Variants in CNTN4 observed in about 807,000 individuals in gnomAD.
CNTN4 encodes contactin 4.
Under a neutral mutation model 122.5 loss-of-function variants are expected in CNTN4, and 77 were observed. The observed-to-expected ratio is 0.63, with a 90% CI of 0.52 to 0.76. CNTN4 has a LOEUF of 0.76. Ranked by LOEUF, CNTN4 falls within the 30% of genes least tolerant of loss-of-function variation. The pLI is 0.00. For missense variants in CNTN4, 1,256 were observed against 1,259.1 expected (o/e 1.00, Z 0.04); for synonymous variants, 512 against 447.0 (o/e 1.15, Z -1.83).
intron 2 of CNTN4, among the ~76,000 whole-genome samples, chr3:2,198,324 T>C (rs562407812): frequency 5.3e-5 from 8 of 152,350 alleles, no homozygotes; most frequent in African/African-American, 1.9e-4. Context: ...TGAGTCGTTT[T>C]AATGTTTGAA....
At chr3:2,313,654 A>C (rs2042992554) in intron 2 of CNTN4, among the ~76,000 whole-genome samples, 1 of 151,958 alleles carries the variant, frequency 6.6e-6, no homozygotes, top group Non-Finnish European at 1.5e-5. Flanking sequence ...TCATACAGTC[A>C]CTCCCAACTA....
At chr3:2,234,091 T>C (rs2039588875) in intron 2 of CNTN4, among the ~76,000 whole-genome samples, 1 of 152,074 alleles carries the variant, frequency 6.6e-6, no homozygotes, top group Non-Finnish European at 1.5e-5. Flanking sequence ...CAACCTGCCA[T>C]TTGACAAGAA....
At chr3:2,570,151 C>G (rs1043322825) in intron 3 of CNTN4, among the ~76,000 whole-genome samples, 5 of 151,954 alleles carry the variant, frequency 3.3e-5, no homozygotes, top group African/African-American at 1.2e-4. Context: ...GGAAATTTGG[C>G]TTTACTTGAG....
intron 14 of CNTN4, among the ~76,000 whole-genome samples, chr3:3,018,733 C>T (rs1698001973): frequency 6.6e-6 from 1 of 152,114 alleles, no homozygotes; most frequent in Non-Finnish European, 1.5e-5. Context: ...CTGAGAAGGC[C>T]TAGGATCAAT....
At chr3:2,143,723 G>C (rs2035115872) in intron 2 of CNTN4, among the ~76,000 whole-genome samples, 1 of 152,188 alleles carries the variant, frequency 6.6e-6, no homozygotes, top group Non-Finnish European at 1.5e-5. Flanking sequence ...TGAAGAAATT[G>C]AGTTTAGAGT....
chr3:2,611,266 A>C (rs374185055), intron 4 of CNTN4, among the ~76,000 whole-genome samples: 15 of 148,364 alleles, frequency 1.0e-4, no homozygotes, highest in African/African-American at 3.8e-4. Context: ...CAGAACATTT[A>C]GGGGACAAAA....
At chr3:2,436,363 GC>G (rs1415469763) in intron 3 of CNTN4, among the ~76,000 whole-genome samples, 3 of 152,060 alleles carry the variant, frequency 2.0e-5, no homozygotes, top group Admixed American at 2.0e-4. Flanking sequence ...GACAGGAAAG[GC>G]AGTGAGTGCT....
chr3:2,257,755 T>G (rs2040658773), intron 2 of CNTN4, among the ~76,000 whole-genome samples: 1 of 152,096 alleles, frequency 6.6e-6, no homozygotes, highest in African/African-American at 2.4e-5. Context: ...TCAGTTAGAA[T>G]GGTGATCATT....
At chr3:2,154,038 T>C (rs1398857680) in intron 2 of CNTN4, among the ~76,000 whole-genome samples, 1 of 152,204 alleles carries the variant, frequency 6.6e-6, no homozygotes, top group Admixed American at 6.5e-5. Flanking sequence ...GGTTACTTTA[T>C]TAAAATTTAC....
chr3:2,417,259 A>G (rs1378223808), intron 3 of CNTN4, among the ~76,000 whole-genome samples: 1 of 152,236 alleles, frequency 6.6e-6, no homozygotes, highest in Non-Finnish European at 1.5e-5. Flanking sequence ...GCTGGACTGT[A>G]TCATCGTAGA....
intron 2 of CNTN4, among the ~76,000 whole-genome samples, chr3:2,263,913 A>G (rs1157671146): frequency 7.2e-6 from 1 of 138,626 alleles, no homozygotes; most frequent in Non-Finnish European, 1.7e-5. Flanking sequence ...ACTTAACATA[A>G]TGACCTCCAG....
intron 7 of CNTN4, among the ~76,000 whole-genome samples, chr3:2,847,810 C>T (rs2093480001): frequency 6.6e-6 from 1 of 152,194 alleles, no homozygotes; most frequent in Non-Finnish European, 1.5e-5. Context: ...TATAGAGATA[C>T]TCTTAGGGAA....
intron 2 of CNTN4, among the ~76,000 whole-genome samples, chr3:2,326,065 G>T (rs4355266): frequency 0.35 from 53,176 of 151,928 alleles, 10,280 homozygotes; most frequent in East Asian, 0.8. Context: ...ATTAGTCTGG[G>T]TATTTCTGTG....
At chr3:2,473,540 T>G (rs1166880995) in intron 3 of CNTN4, among the ~76,000 whole-genome samples, 1 of 152,184 alleles carries the variant, frequency 6.6e-6, no homozygotes, top group Admixed American at 6.5e-5. Flanking sequence ...TACCCTTATT[T>G]CAGATTCTCA....
intron 2 of CNTN4, among the ~76,000 whole-genome samples, chr3:2,287,640 G>A (rs2041956553): frequency 1.7e-5 from 1 of 58,388 alleles, no homozygotes; most frequent in Non-Finnish European, 3.4e-5. Context: ...AGGAGAAGAA[G>A]AAGAAGAAGA....
intron 2 of CNTN4, among the ~76,000 whole-genome samples, chr3:2,227,840 A>G (rs1459671340): frequency 6.6e-6 from 1 of 152,048 alleles, no homozygotes; most frequent in African/African-American, 2.4e-5. Flanking sequence ...GTATTGTTGG[A>G]TTCATTTGTT....
At chr3:2,978,715 G>C (rs7619663) in intron 13 of CNTN4, among the ~76,000 whole-genome samples, 70,075 of 152,012 alleles carry the variant, frequency 0.46, 19,088 homozygotes, top group African/African-American at 0.78. Flanking sequence ...GAGACCTTTG[G>C]TTGGGGGATG....
In CNTN4 at chr3:2,813,311, A is replaced by C. The variant is rs1402477074; in HGVS notation, c.359-6175A>C. ...CTTACTGATTGCGTCTTTTAAAAGG[A>C]AGCAATAACAAAGGGAACTGGTGCT... On this transcript the variant is annotated intron_variant, in intron 6 of 24. Coordinates refer to ENST00000418658, the MANE Select transcript of CNTN4 (RefSeq NM_175607.3). 2.0e-5 allele frequency among the ~76,000 whole-genome samples: 3 copies of C among 152,316 alleles called. No individual in the cohort carries two copies. In the East Asian group the frequency reaches 5.8e-4, roughly 29 times the overall value.
At chr3:2,132,516 T>G (rs2034500354) in intron 2 of CNTN4, 1 of 152,190 alleles carries the variant, frequency 6.6e-6, no homozygotes, top group Non-Finnish European at 1.5e-5. Context: ...TTATTATAAT[T>G]GCTTTGACAA....
Sources: allele counts gnomAD v4.1 joint callset (sites outside exome capture counted in the v4.1 genomes callset), GRCh38; gene constraint gnomAD v4.1.1; transcripts MANE v1.5; gene names NCBI Gene and HGNC (gene_info 2026-07-23, HGNC 2026-07-21).